Variants in SORBS2 observed in about 807,000 individuals in gnomAD.
SORBS2 encodes the protein sorbin and SH3 domain containing 2.
Under a neutral mutation model 97.7 loss-of-function variants are expected in SORBS2, and 46 were observed. The ratio of observed to expected loss-of-function variants is 0.47; its 90% CI spans 0.37 to 0.60. The LOEUF (loss-of-function observed/expected upper bound fraction) is 0.60. Among genes scored for constraint, SORBS2 ranks in the 20% least tolerant of loss-of-function variants. The pLI, the probability that SORBS2 is intolerant of heterozygous loss-of-function variation, is 0.00. For missense variants in SORBS2, 1,316 were observed against 1,282.3 expected (o/e 1.03, Z -0.40); for synonymous variants, 476 against 473.4 (o/e 1.01, Z -0.07).
intron 1 of SORBS2, among the ~76,000 whole-genome samples, chr4:185,834,859 G>A (rs1430267320): frequency 6.6e-6 from 1 of 152,102 alleles, no homozygotes; most frequent in Non-Finnish European, 1.5e-5. Flanking sequence ...AACATGCAAA[G>A]TTATAAAATA....
chr4:185,689,820 G>A (rs2098056957), intron 2 of SORBS2, among the ~76,000 whole-genome samples: 1 of 152,194 alleles, frequency 6.6e-6, no homozygotes, highest in African/African-American at 2.4e-5. Flanking sequence ...CAACTTTCCA[G>A]TGATCACTTG....
At chr4:185,715,827 C>A (rs1212806877) in intron 2 of SORBS2, among the ~76,000 whole-genome samples, 1 of 152,130 alleles carries the variant, frequency 6.6e-6, no homozygotes, top group African/African-American at 2.4e-5. Flanking sequence ...ACTAAATGCT[C>A]AATAGATAAA....
In SORBS2 at chr4:185,820,353, G is replaced by C. The variant is rs145855094; in HGVS notation, c.-337-44987C>G. On this transcript the variant is annotated intron_variant, in intron 1 of 20. Transcript: ENST00000284776. ...GCTTCTGCCTCCTGCTTTCCTTCCC[G>C]GCTGATGTCCTCCCCTCCCCTTTAA... 1.7e-3 allele frequency among the ~76,000 whole-genome samples: 257 copies of C among 152,280 alleles called. 1 individual carries two copies. Among genetic ancestry groups the C allele is most frequent in the African/African-American group, 5.7e-3 (238 of 41,548 alleles).
chr4:185,875,120 A>C (rs1336951954), intron 1 of SORBS2, among the ~76,000 whole-genome samples: 1 of 152,068 alleles, frequency 6.6e-6, no homozygotes, highest in Non-Finnish European at 1.5e-5. Flanking sequence ...TGAGGGTAAA[A>C]CTTTCCTGGT....
At chr4:185,875,809 G>A (rs2099233273) in intron 1 of SORBS2, among the ~76,000 whole-genome samples, 2 of 152,178 alleles carry the variant, frequency 1.3e-5, no homozygotes, top group Non-Finnish European at 2.9e-5. Flanking sequence ...ATCATAAAAG[G>A]CGTTCTAGAG....
At chr4:185,622,327 A>C (rs2096731424) in intron 7 of SORBS2, among the ~76,000 whole-genome samples, 1 of 152,224 alleles carries the variant, frequency 6.6e-6, no homozygotes, top group Non-Finnish European at 1.5e-5. Flanking sequence ...GGACTTTTAT[A>C]TATATAGCTT....
At chr4:185,697,387 C>T (rs984252027) in intron 2 of SORBS2, among the ~76,000 whole-genome samples, 2 of 152,150 alleles carry the variant, frequency 1.3e-5, no homozygotes, top group African/African-American at 4.8e-5. Context: ...AGCTTAGCAA[C>T]ATGTTGGAAT....
intron 2 of SORBS2, chr4:185,773,494 C>T (rs958741002): frequency 6.6e-6 from 1 of 152,202 alleles, no homozygotes; most frequent in African/African-American, 2.4e-5. Flanking sequence ...AGATCTCTGC[C>T]GTAGCTTTCT....
chr4:185,747,226 G>T (rs1408835060), intron 2 of SORBS2, among the ~76,000 whole-genome samples: 1 of 152,172 alleles, frequency 6.6e-6, no homozygotes, highest in South Asian at 2.1e-4. Flanking sequence ...AACCAGACCT[G>T]CTCTCACCTT....
At chr4:185,925,625 A>G (rs2149941710) in intron 1 of SORBS2, among the ~76,000 whole-genome samples, 1 of 152,310 alleles carries the variant, frequency 6.6e-6, no homozygotes, top group Middle Eastern at 3.4e-3. Context: ...GATGACTGTT[A>G]AATGTCAGAC....
chr4:185,696,461 C>CA (rs1554185250), intron 2 of SORBS2, among the ~76,000 whole-genome samples: 1 of 152,002 alleles, frequency 6.6e-6, no homozygotes, highest in Non-Finnish European at 1.5e-5. Flanking sequence ...ACCTTACTTT[C>CA]TTTTTTTTCT....
In SORBS2 at chr4:185,702,200, C is replaced by T. The variant is rs184811857; in HGVS notation, c.-197-23378G>A. Among the ~76,000 whole-genome samples, 166 of 152,226 alleles carry T rather than the reference C, an allele frequency of 1.1e-3. 5 individuals are homozygous for T. In the East Asian group the frequency reaches 0.028, roughly 25 times the overall value. On this transcript the variant is annotated intron_variant, in intron 2 of 20. Transcript: ENST00000284776. ...ACAGAAAAGAGGGTTATTTGGCTCT[C>T]GGTTCTGCAGCCTGCACGGGACGCA...
In SORBS2 at chr4:185,646,939, G is replaced by A. The variant is rs898813136; in HGVS notation, c.282-157C>T. On this transcript the variant is annotated intron_variant, in intron 3 of 14. Coordinates refer to ENST00000418609, the Ensembl canonical transcript of SORBS2. ...CCTGTGAAAAATACCACATTCCCCCGCCACTGGCTCCAAAAGTCACATGAG... is the reference window on the plus strand; with the variant it reads ...CCTGTGAAAAATACCACATTCCCCCACCACTGGCTCCAAAAGTCACATGAG... 3.9e-5 allele frequency among the ~76,000 whole-genome samples: 6 copies of A among 152,032 alleles called. No homozygotes were observed. In the East Asian group the frequency reaches 5.8e-4, roughly 15 times the overall value.
chr4:185,897,004 A>G (rs1003430436), intron 1 of SORBS2, among the ~76,000 whole-genome samples: 1 of 152,078 alleles, frequency 6.6e-6, no homozygotes, highest in Non-Finnish European at 1.5e-5. Context: ...GCAATTGCGG[A>G]GGCTCAGGAA....
At chr4:185,955,304 G>T (rs1395015518) in intron 1 of SORBS2, among the ~76,000 whole-genome samples, 1 of 152,056 alleles carries the variant, frequency 6.6e-6, no homozygotes, top group South Asian at 2.1e-4. Context: ...ACAACTTCCC[G>T]GGAAATATTT....
chr4:185,907,486 G>A (rs1032473757), intron 1 of SORBS2, among the ~76,000 whole-genome samples: 3 of 152,058 alleles, frequency 2.0e-5, no homozygotes, highest in Non-Finnish European at 4.4e-5. Context: ...TTTTAACTTT[G>A]GCCATGAAGA....
intron 1 of SORBS2, among the ~76,000 whole-genome samples, chr4:185,878,901 C>T (rs1171165224): frequency 6.6e-6 from 1 of 152,202 alleles, no homozygotes; most frequent in African/African-American, 2.4e-5. Flanking sequence ...TCTTCCTGTC[C>T]CTTGGTTAGA....
chr4:185,614,723 G>T (rs2096601930), intron 11 of SORBS2, 108 bp downstream of exon 23: 10 of 1,338,934 alleles, frequency 7.5e-6, no homozygotes, highest in Non-Finnish European at 1.0e-5. Flanking sequence ...ACATAAAAAT[G>T]TCTAAAGAAA....
At chr4:185,910,945 C>T (rs891811224) in intron 1 of SORBS2, among the ~76,000 whole-genome samples, 3 of 151,096 alleles carry the variant, frequency 2.0e-5, no homozygotes, top group South Asian at 2.1e-4. Flanking sequence ...ATATACAATG[C>T]GGTGTTTGAT....
Sources: gnomAD v4.1 joint callset for allele counts (sites outside exome capture counted in the v4.1 genomes callset) on GRCh38, gnomAD v4.1.1 for gene constraint, MANE v1.5 for transcripts, NCBI Gene and HGNC (gene_info 2026-07-23, HGNC 2026-07-21) for gene names.